Variants in DSCAM observed in about 807,000 individuals in gnomAD.
The protein encoded by DSCAM is cell adhesion molecule DSCAM.
Under a neutral mutation model 217.7 loss-of-function variants are expected in DSCAM, and 47 were observed. The ratio of observed to expected loss-of-function variants is 0.22; its 90% CI spans 0.17 to 0.28. The LOEUF is 0.28. DSCAM is among the 10% of genes least tolerant of loss of function. DSCAM has a pLI of 1.00. For synonymous variants in DSCAM, 1,056 were observed against 1,015.3 expected, an observed-to-expected ratio of 1.04 and a Z score of -0.76; for missense variants, 2,080 against 2,618.3, an observed-to-expected ratio of 0.79 and a Z score of 4.49.
intron 3 of DSCAM, among the ~76,000 whole-genome samples, chr21:40,551,459 G>A (rs1350601694): frequency 6.6e-6 from 1 of 152,178 alleles, no homozygotes; most frequent in East Asian, 1.9e-4. Context: ...AAGTCTCATA[G>A]GTGGCTGCCC....
chr21:40,178,421 G>C (rs1415584492), intron 15 of DSCAM, among the ~76,000 whole-genome samples: 2 of 152,050 alleles, frequency 1.3e-5, no homozygotes, highest in Non-Finnish European at 2.9e-5. Flanking sequence ...GTTTGTAATA[G>C]AAAAAAGAGC....
At chr21:40,806,562 T>C (rs962682686) in intron 1 of DSCAM, among the ~76,000 whole-genome samples, 1 of 152,218 alleles carries the variant, frequency 6.6e-6, no homozygotes, top group Admixed American at 6.5e-5. Context: ...ATTTTGACAA[T>C]TATGAGGTCT....
At chr21:40,709,134 C>T (rs963692474) in intron 1 of DSCAM, among the ~76,000 whole-genome samples, 1 of 152,166 alleles carries the variant, frequency 6.6e-6, no homozygotes, top group African/African-American at 2.4e-5. Flanking sequence ...AGATAAGCCT[C>T]ATGAGGACAA....
intron 3 of DSCAM, among the ~76,000 whole-genome samples, chr21:40,450,935 T>A (rs1269857232): frequency 2.0e-5 from 3 of 152,244 alleles, no homozygotes; most frequent in Non-Finnish European, 2.9e-5. Flanking sequence ...GCAGGTCACC[T>A]ACCCTCCTGC....
At chr21:40,155,033 T>C (rs1388617050) in intron 16 of DSCAM, among the ~76,000 whole-genome samples, 1 of 152,250 alleles carries the variant, frequency 6.6e-6, no homozygotes, top group East Asian at 1.9e-4. Flanking sequence ...ATTTATTCCA[T>C]TTCTAAAGTG....
chr21:40,032,869 C>T (rs957921140), intron 32 of DSCAM, among the ~76,000 whole-genome samples: 3 of 152,096 alleles, frequency 2.0e-5, no homozygotes, highest in African/African-American at 4.8e-5. Flanking sequence ...TTTATGTGTC[C>T]GCAGAGGAGA....
intron 3 of DSCAM, among the ~76,000 whole-genome samples, chr21:40,465,476 G>T (rs1174534365): frequency 2.0e-5 from 3 of 152,112 alleles, no homozygotes; most frequent in Non-Finnish European, 4.4e-5. Context: ...CTGTTCAAAT[G>T]GATCCAGATC....
intron 16 of DSCAM, among the ~76,000 whole-genome samples, chr21:40,164,583 A>T (rs562624622): frequency 1.3e-5 from 2 of 152,166 alleles, no homozygotes; most frequent in African/African-American, 4.8e-5. Context: ...GGATCACGTG[A>T]AGTCAGGAGT....
intron 4 of DSCAM, among the ~76,000 whole-genome samples, chr21:40,355,984 G>A (rs1056027185): frequency 6.6e-6 from 1 of 152,082 alleles, no homozygotes; most frequent in African/African-American, 2.4e-5. Flanking sequence ...CTTTTTTAAG[G>A]CTGAATAATA....
At chr21:40,307,780 G>A (rs935972035) in intron 9 of DSCAM, among the ~76,000 whole-genome samples, 2 of 152,078 alleles carry the variant, frequency 1.3e-5, no homozygotes, top group African/African-American at 4.8e-5. Flanking sequence ...CATGTCCTTT[G>A]TAGGGACATG....
At chr21:40,759,912 T>C (rs920246760) in intron 1 of DSCAM, among the ~76,000 whole-genome samples, 2 of 152,152 alleles carry the variant, frequency 1.3e-5, no homozygotes, top group Non-Finnish European at 2.9e-5. Context: ...GGGGCATTCA[T>C]CTTTTTGCCT....
chr21:40,059,039 T>C (rs967439015), intron 28 of DSCAM, among the ~76,000 whole-genome samples: 1 of 152,214 alleles, frequency 6.6e-6, no homozygotes, highest in Non-Finnish European at 1.5e-5. Context: ...AGCCAATCAA[T>C]TATTTGCAGC....
At chr21:40,837,932 A>C (rs1407247149) in intron 1 of DSCAM, among the ~76,000 whole-genome samples, 1 of 152,222 alleles carries the variant, frequency 6.6e-6, no homozygotes, top group Non-Finnish European at 1.5e-5. Flanking sequence ...ATTAAAAAAT[A>C]AACATGGCAA....
chr21:40,222,450 G>A (rs920654338), intron 11 of DSCAM, among the ~76,000 whole-genome samples: 1 of 152,094 alleles, frequency 6.6e-6, no homozygotes, highest in Non-Finnish European at 1.5e-5. Flanking sequence ...AAAAACCACC[G>A]CTTGCCAAAT....
chr21:40,160,455 C>T (rs1172144670), intron 16 of DSCAM, among the ~76,000 whole-genome samples: 1 of 152,164 alleles, frequency 6.6e-6, no homozygotes, highest in Non-Finnish European at 1.5e-5. Context: ...TCAGTTTTCA[C>T]TATGAATATT....
intron 22 of DSCAM, 42 bp from the exon 23 acceptor site, chr21:40,085,807 A>C (rs776144527): frequency 7.1e-7 from 1 of 1,415,186 alleles, no homozygotes; most frequent in Non-Finnish European, 9.4e-7. Flanking sequence ...AAGAAATTAC[A>C]ATCCAAATTA....
rs573354830 is a variant in DSCAM at position 40,582,951 on chromosome 21, A to G, written c.508+109859T>C. Among the ~76,000 whole-genome samples, 35 of 152,294 alleles carry G rather than the reference A, an allele frequency of 2.3e-4. No individual in the cohort carries two copies. In the South Asian group the frequency reaches 6.4e-3, roughly 28 times the overall value. On this transcript the variant is annotated intron_variant, in intron 3 of 32. Coordinates refer to ENST00000400454, the MANE Select transcript of DSCAM (RefSeq NM_001389.5). ...ATTTGAGCAATGGAAAAGCAATCCG[A>G]TATTTGCAACAGACTATTAAAGTCA...
chr21:40,460,929 G>C lies in DSCAM; in HGVS notation c.509-91684C>G, dbSNP rs1400132979. On this transcript the variant is annotated intron_variant, in intron 3 of 32. Coordinates refer to ENST00000400454, the MANE Select transcript of DSCAM (RefSeq NM_001389.5). ...CACGTTTAAAGTGTATATAACCTTT[G>C]ATTCAGAAGACTCACTTCTAGGAAT... 1.3e-5 allele frequency among the ~76,000 whole-genome samples: 2 copies of C among 152,158 alleles called. 1 individual carries two copies. The highest frequency in any genetic ancestry group is 2.9e-5 in the Non-Finnish European group (2 of 68,026).
rs140655651 is a variant in DSCAM, at chr21:40,353,548, C to T, written c.851G>A (p.Arg284His). Reference protein sequence around the residue: ...TVTGLLIENIRPSDSGSYVCE... With the variant: ...TVTGLLIENIHPSDSGSYVCE... ...AACATAGCTGCCTGAGTCCGAGGGG[C>T]GAATGTTCTCAATGAGCAGCCCCGT... Residue 284 changes from arginine (R) to histidine (H), a missense_variant, in exon 5 of 33, where the codon CGC (arginine) becomes CAC (histidine). By Grantham distance (29) the Arg-to-His change is conservative. Coordinates refer to ENST00000400454, the MANE Select transcript of DSCAM (RefSeq NM_001389.5). 8.4e-5 allele frequency: 135 copies of T among 1,611,770 alleles called. 2 individuals are homozygous for T. The Middle Eastern group carries it at 9.9e-4, about 12-fold the overall frequency.
Sources: gnomAD v4.1 joint callset for allele counts (sites outside exome capture counted in the v4.1 genomes callset) on GRCh38, gnomAD v4.1.1 for gene constraint, MANE v1.5 for transcripts, NCBI Gene and HGNC (gene_info 2026-07-23, HGNC 2026-07-21) for gene names.